The following GRM1 variants were observed in gnomAD, a reference collection of about 807,000 sequenced individuals.
The protein encoded by GRM1 is glutamate metabotropic receptor 1.
GRM1 carries 33 observed loss-of-function variants against 90.9 expected under a neutral mutation model. That is an observed-to-expected ratio of 0.36 (90% CI 0.28 to 0.49). GRM1 has a LOEUF of 0.49. GRM1 is among the 20% of genes least tolerant of loss of function. GRM1 has a pLI of 0.99. For synonymous variants in GRM1, 700 were observed against 613.2 expected (o/e 1.14, Z -2.09); for missense variants, 1,190 against 1,534.3 (o/e 0.78, Z 3.75).
At chr6:146,351,408 T>A (rs1048983197) in intron 3 of GRM1, among the ~76,000 whole-genome samples, 8 of 150,366 alleles carry the variant, frequency 5.3e-5, no homozygotes, top group Non-Finnish European at 6.0e-5. Flanking sequence ...CCAAACCTCT[T>A]ACCTTTATTT....
intron 1 of GRM1, among the ~76,000 whole-genome samples, chr6:146,033,414 G>A (rs1790774929): frequency 6.6e-6 from 1 of 152,068 alleles, no homozygotes; most frequent in African/African-American, 2.4e-5. Context: ...TTTGAAAACA[G>A]TACTTAAAAA....
intron 3 of GRM1, among the ~76,000 whole-genome samples, chr6:146,333,692 T>C (rs894115662): frequency 6.6e-6 from 1 of 152,088 alleles, no homozygotes; most frequent in Non-Finnish European, 1.5e-5. Context: ...AAGTAGCCTA[T>C]AGATGGCCTT....
chr6:146,154,349 C>T (rs188727366), intron 1 of GRM1, among the ~76,000 whole-genome samples: 5 of 152,238 alleles, frequency 3.3e-5, no homozygotes, highest in Non-Finnish European at 7.4e-5. Flanking sequence ...TGGCATCTGA[C>T]TTCCTTCCTC....
chr6:146,120,076 T>C (rs1036527529), intron 1 of GRM1, among the ~76,000 whole-genome samples: 6 of 152,258 alleles, frequency 3.9e-5, no homozygotes, highest in Admixed American at 2.0e-4. Context: ...TCCATGAGCA[T>C]GGAGTGTTCT....
chr6:146,113,076 G>C (rs1775620754), intron 1 of GRM1, among the ~76,000 whole-genome samples: 1 of 152,140 alleles, frequency 6.6e-6, no homozygotes, highest in African/African-American at 2.4e-5. Context: ...TAGTAAGAAA[G>C]TAGCAAAGAG....
intron 2 of GRM1, among the ~76,000 whole-genome samples, chr6:146,237,417 CT>C (rs1780688530): frequency 8.0e-6 from 1 of 125,616 alleles, no homozygotes; most frequent in Non-Finnish European, 1.7e-5. Context: ...AAACAATGTG[CT>C]TTTGTTTGTT....
intron 1 of GRM1, among the ~76,000 whole-genome samples, chr6:146,036,372 G>T (rs1198899640): frequency 6.6e-6 from 1 of 151,940 alleles, no homozygotes; most frequent in African/African-American, 2.4e-5. Context: ...CAGAGAAGCT[G>T]TAGTTGAAAA....
At chr6:146,034,838 C>A (rs1790827573) in intron 1 of GRM1, among the ~76,000 whole-genome samples, 2 of 151,886 alleles carry the variant, frequency 1.3e-5, no homozygotes, top group African/African-American at 4.8e-5. Flanking sequence ...AAAGTCATCA[C>A]AACAGATGAC....
chr6:146,030,116 ACTTC>A lies in GRM1; in HGVS notation c.602_605del (p.Phe201Ter). 1 of 1,614,088 alleles carries A rather than the reference ACTTC, an allele frequency of 6.2e-7. No individual in the cohort carries two copies. Among genetic ancestry groups the A allele is most frequent in the South Asian group, 1.1e-5 (1 of 91,088 alleles). On this transcript the variant is annotated frameshift_variant, in exon 1 of 8. Transcript: ENST00000282753. LOFTEE classifies it high-confidence loss of function. ...CTGAGTGACAAAACTTTGTACAAAT[ACTTC>A]CTGAGGGTTGTCCCTTCTGACACTT...
chr6:146,124,594 T>A (rs1166167913), intron 1 of GRM1, among the ~76,000 whole-genome samples: 1 of 152,182 alleles, frequency 6.6e-6, no homozygotes, highest in African/African-American at 2.4e-5. Context: ...TAGTATCAAC[T>A]ATACCTATTT....
At chr6:146,170,046 T>C (rs1778050820) in intron 2 of GRM1, among the ~76,000 whole-genome samples, 1 of 152,224 alleles carries the variant, frequency 6.6e-6, no homozygotes, top group Admixed American at 6.5e-5. Flanking sequence ...GATATAAGAT[T>C]CTTGGCTAAC....
At chr6:146,306,458 T>A (rs1259306805) in intron 3 of GRM1, among the ~76,000 whole-genome samples, 2 of 152,172 alleles carry the variant, frequency 1.3e-5, no homozygotes, top group Non-Finnish European at 2.9e-5. Context: ...ATTTTTAGAC[T>A]TAGTATTTGG....
chr6:146,400,277 C>A (rs1777108646), intron 7 of GRM1, among the ~76,000 whole-genome samples: 1 of 152,116 alleles, frequency 6.6e-6, no homozygotes, highest in African/African-American at 2.4e-5. Context: ...TATCATATCT[C>A]TCTTATTTAT....
chr6:146,308,849 T>A (rs925209200), intron 3 of GRM1, among the ~76,000 whole-genome samples: 5 of 152,124 alleles, frequency 3.3e-5, no homozygotes, highest in African/African-American at 1.2e-4. Flanking sequence ...AGAAATGTTT[T>A]ATACATTGAT....
chr6:146,058,960 A>T (rs1243252645), intron 1 of GRM1, among the ~76,000 whole-genome samples: 1 of 152,126 alleles, frequency 6.6e-6, no homozygotes, highest in Non-Finnish European at 1.5e-5. Context: ...ACACATCCGC[A>T]GTGACTTTCT....
intron 1 of GRM1, among the ~76,000 whole-genome samples, chr6:146,051,704 A>G (rs1249630467): frequency 1.3e-5 from 2 of 152,130 alleles, no homozygotes; most frequent in African/African-American, 4.8e-5. Flanking sequence ...CAGTTGGAAG[A>G]CATCAAAGGT....
At chr6:146,422,846 T>A (rs1327212841) in intron 7 of GRM1, among the ~76,000 whole-genome samples, 1 of 151,496 alleles carries the variant, frequency 6.6e-6, no homozygotes, top group Non-Finnish European at 1.5e-5. Context: ...AATATATGGG[T>A]AAAGTTACGC....
intron 7 of GRM1, among the ~76,000 whole-genome samples, chr6:146,417,065 A>G (rs1777812764): frequency 6.6e-6 from 1 of 152,174 alleles, no homozygotes; most frequent in Non-Finnish European, 1.5e-5. Context: ...AGTCCTGTGA[A>G]TGTATCAAAA....
chr6:146,358,851 A>G (rs1775339983), intron 5 of GRM1, among the ~76,000 whole-genome samples: 1 of 152,190 alleles, frequency 6.6e-6, no homozygotes, highest in Non-Finnish European at 1.5e-5. Flanking sequence ...AAAGAAAGAA[A>G]CTTCTGAGAT....
Sources: gnomAD v4.1 joint callset for allele counts (sites outside exome capture counted in the v4.1 genomes callset) on GRCh38, gnomAD v4.1.1 for gene constraint, MANE v1.5 for transcripts, NCBI Gene and HGNC (gene_info 2026-07-23, HGNC 2026-07-21) for gene names.